The following OR56B2 variants were observed in gnomAD, a reference collection of about 807,000 sequenced individuals.
OR56B2 encodes the protein olfactory receptor family 56 subfamily B member 2.
the OR56B2 span, among the ~76,000 whole-genome samples, chr11:5,769,038 AAAAC>A: frequency 2.1e-5 from 3 of 139,836 alleles, no homozygotes; most frequent in African/African-American, 5.2e-5. Flanking sequence ...ACACTTAATA[AAAAC>A]AAACATTTTT....
chr11:5,764,734 C>T, the OR56B2 span, among the ~76,000 whole-genome samples: 5 of 139,788 alleles, frequency 3.6e-5, 1 homozygote, highest in Non-Finnish European at 4.7e-5. Context: ...GAAACCAACT[C>T]GTTAACAAAG....
the OR56B2 span, among the ~76,000 whole-genome samples, chr11:5,761,796 G>A: frequency 6.6e-6 from 1 of 152,000 alleles, no homozygotes; most frequent in Non-Finnish European, 1.5e-5. Context: ...TTTTAATTAG[G>A]CATTTTAATA....
At chr11:5,762,574 G>A in the OR56B2 span, among the ~76,000 whole-genome samples, 2 of 151,880 alleles carry the variant, frequency 1.3e-5, no homozygotes, top group Non-Finnish European at 2.9e-5. Context: ...CAAATATACA[G>A]TTATATAGAA....
the OR56B2 span, among the ~76,000 whole-genome samples, chr11:5,763,735 G>A: frequency 7.1e-6 from 1 of 140,344 alleles, no homozygotes; most frequent in Non-Finnish European, 1.6e-5. Context: ...TAAATTGAGT[G>A]CTTATTAAGT....
At chr11:5,768,296 C>T in the OR56B2 span, among the ~76,000 whole-genome samples, 1 of 139,542 alleles carries the variant, frequency 7.2e-6, no homozygotes, top group Admixed American at 7.4e-5. Context: ...TAGGTAGTTC[C>T]CACTTAAAAG....
the OR56B2 span, among the ~76,000 whole-genome samples, chr11:5,762,984 T>C: frequency 6.6e-6 from 1 of 152,072 alleles, no homozygotes; most frequent in Non-Finnish European, 1.5e-5. Context: ...GAATTACTAA[T>C]TTTATATATG....
chr11:5,761,446 T>C, the OR56B2 span, among the ~76,000 whole-genome samples: 1 of 152,202 alleles, frequency 6.6e-6, no homozygotes, highest in Non-Finnish European at 1.5e-5. Flanking sequence ...AAATGTTAGA[T>C]ATTTCATAAC....
chr11:5,763,616 T>C, the OR56B2 span, among the ~76,000 whole-genome samples: 1 of 140,386 alleles, frequency 7.1e-6, no homozygotes, highest in African/African-American at 2.6e-5. Context: ...TGGCCTCCAC[T>C]ATATTTTTAA....
chr11:5,765,447 A>C, the OR56B2 span: 1 of 140,988 alleles, frequency 7.1e-6, no homozygotes, highest in Non-Finnish European at 1.6e-5. Flanking sequence ...CTTTGTGGCC[A>C]TGGAATCAAG....
At chr11:5,765,382 A>G in the OR56B2 span, 1 of 141,334 alleles carries the variant, frequency 7.1e-6, no homozygotes, top group Admixed American at 7.3e-5. Flanking sequence ...TTATGGTTCA[A>G]TGCTAAGACC....
At chr11:5,762,624 A>G in the OR56B2 span, among the ~76,000 whole-genome samples, 1 of 152,110 alleles carries the variant, frequency 6.6e-6, no homozygotes, top group South Asian at 2.1e-4. Context: ...TAGACTGACT[A>G]AAGTTAACAA....
At chr11:5,766,035 C>T in the OR56B2 span, 2 of 140,446 alleles carry the variant, frequency 1.4e-5, no homozygotes, top group African/African-American at 2.6e-5. Context: ...ATACAAGGTA[C>T]TTAGACTGGA....
At chr11:5,763,843 CTG>C in the OR56B2 span, among the ~76,000 whole-genome samples, 3 of 140,060 alleles carry the variant, frequency 2.1e-5, 1 homozygote, top group Admixed American at 2.2e-4. Context: ...GACCTACACA[CTG>C]ATATATATTT....
At chr11:5,766,362 T>C in the OR56B2 span, 2 of 140,918 alleles carry the variant, frequency 1.4e-5, no homozygotes, top group African/African-American at 5.2e-5. Flanking sequence ...CAGTGTTGAA[T>C]AGAAGTAGTT....
At chr11:5,765,496 T>C in the OR56B2 span, 3 of 140,548 alleles carry the variant, frequency 2.1e-5, 1 homozygote, top group Non-Finnish European at 4.7e-5. Context: ...TATGTAGCCA[T>C]TTGTCGACCG....
chr11:5,763,085 T>A, the OR56B2 span, among the ~76,000 whole-genome samples: 1 of 152,132 alleles, frequency 6.6e-6, no homozygotes, highest in African/African-American at 2.4e-5. Flanking sequence ...ATAGTACAGT[T>A]TTAAAAAATG....
At chr11:5,762,828 T>C in the OR56B2 span, among the ~76,000 whole-genome samples, 143 of 152,200 alleles carry the variant, frequency 9.4e-4, no homozygotes, top group African/African-American at 3.1e-3. Context: ...TATTTAAATA[T>C]ACTTTACCAT....
At chr11:5,761,692 CACATAAT>C in the OR56B2 span, among the ~76,000 whole-genome samples, 3 of 152,102 alleles carry the variant, frequency 2.0e-5, no homozygotes, top group African/African-American at 7.2e-5. Flanking sequence ...AGCTTGCTGA[CACATAAT>C]ACCTGGTACC....
chr11:5,761,940 G>C, the OR56B2 span, among the ~76,000 whole-genome samples: 1 of 152,022 alleles, frequency 6.6e-6, no homozygotes, highest in Non-Finnish European at 1.5e-5. Flanking sequence ...CAAAGTATTA[G>C]AATTTTTGCT....
Sources: allele counts gnomAD v4.1 joint callset (sites outside exome capture counted in the v4.1 genomes callset), GRCh38; gene constraint gnomAD v4.1.1; transcripts MANE v1.5; gene names NCBI Gene and HGNC (gene_info 2026-07-23, HGNC 2026-07-21).